DDX43: variants seen among roughly 807,000 people sequenced by gnomAD.
DDX43 encodes DEAD-box helicase 43.
In DDX43, 50 loss-of-function variants were observed where a neutral mutation model predicts 84.9. The observed-to-expected ratio is 0.59, with a 90% CI of 0.47 to 0.75. DDX43 has a LOEUF of 0.75. Among genes scored for constraint, DDX43 ranks in the 30% least tolerant of loss-of-function variants. The pLI is 0.00. For synonymous variants in DDX43, 291 were observed against 266.3 expected, an observed-to-expected ratio of 1.09 and a Z score of -0.90; for missense variants, 689 against 798.6, an observed-to-expected ratio of 0.86 and a Z score of 1.65.
At chr6:73,404,100 G>T (rs180915065) in intron 4 of DDX43, among the ~76,000 whole-genome samples, 1 of 149,272 alleles carries the variant, frequency 6.7e-6, no homozygotes, top group Non-Finnish European at 1.5e-5. Context: ...GATTACAGGC[G>T]TGAGCCGCCG....
chr6:73,414,412 A>G (rs895746672), intron 13 of DDX43, 136 bp from the exon 14 acceptor site: 4 of 841,438 alleles, frequency 4.8e-6, no homozygotes, highest in Non-Finnish European at 3.6e-6. Flanking sequence ...TTACTTTTCC[A>G]TTTTCACAAA....
At chr6:73,408,233 G>A (rs368564984) in intron 9 of DDX43, 132 bp downstream of exon 9, 28 of 787,306 alleles carry the variant, frequency 3.6e-5, no homozygotes, top group East Asian at 1.6e-4. Context: ...TCAGGAGTTC[G>A]AGACCAACCT....
chr6:73,397,087 C>T (rs951751706), intron 1 of DDX43, among the ~76,000 whole-genome samples: 1 of 152,168 alleles, frequency 6.6e-6, no homozygotes, highest in African/African-American at 2.4e-5. Context: ...AGTGAGACTG[C>T]TGGATCATAT....
chr6:73,410,434 G>A (rs1386851648), intron 10 of DDX43, among the ~76,000 whole-genome samples: 2 of 152,164 alleles, frequency 1.3e-5, no homozygotes, highest in African/African-American at 4.8e-5. Flanking sequence ...AAAGTGCTGG[G>A]ATTACAAGCT....
At chr6:73,412,594 TCA>T (rs1402030226) in intron 11 of DDX43, among the ~76,000 whole-genome samples, 2 of 148,310 alleles carry the variant, frequency 1.3e-5, no homozygotes, top group African/African-American at 5.0e-5. Context: ...TGATCTCGGC[TCA>T]CTGCAACCTC....
chr6:73,416,475 A>G (rs764316692), intron 16 of DDX43, among the ~76,000 whole-genome samples: 1 of 152,220 alleles, frequency 6.6e-6, no homozygotes, highest in Non-Finnish European at 1.5e-5. Context: ...AGTCAAGGGT[A>G]TACAACCCAA....
chr6:73,416,714 A>G (rs75806560), intron 16 of DDX43, among the ~76,000 whole-genome samples: 2,183 of 152,238 alleles, frequency 0.014, 109 homozygotes, highest in East Asian at 0.12. Context: ...GGTAGGGGGA[A>G]TTGTTTGGTA....
chr6:73,412,637 TAG>T (rs1769810337), intron 11 of DDX43, among the ~76,000 whole-genome samples: 1 of 35,832 alleles, frequency 2.8e-5, no homozygotes, highest in Non-Finnish European at 7.3e-5. Context: ...TATATATATA[TAG>T]TGTGTGTGTG....
At chr6:73,414,912 C>G (rs1173190896) in intron 14 of DDX43, among the ~76,000 whole-genome samples, 1 of 152,106 alleles carries the variant, frequency 6.6e-6, no homozygotes, top group Non-Finnish European at 1.5e-5. Context: ...TGTTTTATAT[C>G]TAGTGTCACC....
chr6:73,409,378 A>G, intron 10 of DDX43, 30 bp downstream of exon 10: 1 of 1,494,930 alleles, frequency 6.7e-7, no homozygotes, highest in Non-Finnish European at 9.3e-7. Context: ...CTGTGTGCAG[A>G]ATAGAAATCA....
At chr6:73,395,998 T>C (rs957509869) in intron 1 of DDX43, among the ~76,000 whole-genome samples, 1 of 151,810 alleles carries the variant, frequency 6.6e-6, no homozygotes, top group African/African-American at 2.4e-5. Flanking sequence ...GGCAGCTCTG[T>C]GGCCCCAGCT....
rs777946438 is a variant in DDX43, at chr6:73,412,500, TAG to T, written c.1368+227_1368+228del. ...CCTCTAGTCAGGGCCTATATATGTA[TAG>T]AGAGAGAGAGAGAGAGAGTGTGTGT... On this transcript the variant is annotated intron_variant, in intron 11 of 16. Coordinates refer to ENST00000370336, the MANE Select transcript of DDX43 (RefSeq NM_018665.3). Among the ~76,000 whole-genome samples the T allele has an allele frequency of 2.1e-3, 311 of 148,956 alleles. 1 individual carries two copies. Among genetic ancestry groups the T allele is most frequent in the Middle Eastern group, 3.4e-3 (1 of 294 alleles).
In DDX43 at chr6:73,412,240, A is replaced by G; in HGVS notation, c.1316A>G (p.Gln439Arg). Residue 439 changes from glutamine to arginine, a missense_variant, in exon 11 of 17, where the codon CAA becomes CGA. Transcript: ENST00000370336. Reference sequence around the variant, plus strand: ...CCTCATTCAGTTCATCGCCTCGCACAATCTTATTTGAAAGAACCAATGATT... The same window carrying G: ...CCTCATTCAGTTCATCGCCTCGCACGATCTTATTTGAAAGAACCAATGATT... ...TWPHSVHRLAQSYLKEPMIVY... is the reference protein window; with the variant it reads ...TWPHSVHRLARSYLKEPMIVY... 1 of 1,613,852 alleles carries G rather than the reference A, an allele frequency of 6.2e-7. No individual in the cohort carries two copies.
Position 73,412,115 on chromosome 6 carries a change from T to C in DDX43, c.1281-90T>C. ...TGAAAAAATAAGTACTAAATTTGTC[T>C]TTCATGAGTAACTTGGTTCATAGCA... On this transcript the variant is annotated intron_variant, in intron 10 of 16. Coordinates refer to ENST00000370336, the MANE Select transcript of DDX43 (RefSeq NM_018665.3). 5 of 1,113,066 alleles carry C rather than the reference T, an allele frequency of 4.5e-6. No individual in the cohort carries two copies. The South Asian group carries it at 7.1e-5, about 16-fold the overall frequency. The allele number at this position is 1,113,066 out of a possible 1,614,324, so 68.9% of individuals were successfully genotyped here.
chr6:73,411,988 G>A (rs896831989), intron 10 of DDX43, among the ~76,000 whole-genome samples: 2 of 152,206 alleles, frequency 1.3e-5, no homozygotes, highest in South Asian at 4.1e-4. Context: ...GTGAGCCACT[G>A]GGCCCAGCCA....
At chr6:73,397,593 G>A (rs1303518267) in intron 1 of DDX43, 96 bp from the exon 2 acceptor site, 1 of 954,340 alleles carries the variant, frequency 1.0e-6, no homozygotes, top group Non-Finnish European at 1.6e-6. Context: ...AGCATTTGGG[G>A]GGAAGAACTA....
In DDX43 at chr6:73,402,010, A is replaced by G. The variant is rs528076913; in HGVS notation, c.568+20A>G. The G allele has an allele frequency of 2.9e-5, 47 of 1,612,144 alleles. 3 individuals carry two copies. The South Asian group carries it at 4.9e-4, about 17-fold the overall frequency. On this transcript the variant is annotated intron_variant, in intron 4 of 16. Transcript: ENST00000370336. ...GGGCAGGTCAGTGCTGCTTCCTAAT[A>G]TTTACATATATTGTTTCTGTTAACT...
intron 14 of DDX43, among the ~76,000 whole-genome samples, chr6:73,415,280 A>G (rs904143536): frequency 6.6e-6 from 1 of 152,166 alleles, no homozygotes; most frequent in Admixed American, 6.5e-5. Flanking sequence ...CCTGGGCAAC[A>G]GTGCAAGACT....
intron 1 of DDX43, among the ~76,000 whole-genome samples, chr6:73,395,730 T>G (rs934282073): frequency 6.6e-6 from 1 of 151,948 alleles, no homozygotes; most frequent in Non-Finnish European, 1.5e-5. Context: ...AGAGGGATGC[T>G]TAGAACAGGC....
Sources: gnomAD v4.1 joint callset for allele counts (sites outside exome capture counted in the v4.1 genomes callset) on GRCh38, gnomAD v4.1.1 for gene constraint, MANE v1.5 for transcripts, NCBI Gene and HGNC (gene_info 2026-07-23, HGNC 2026-07-21) for gene names.